The following SLC12A3 variants were observed in gnomAD, a reference collection of about 807,000 sequenced individuals.
SLC12A3 encodes the protein solute carrier family 12 member 3, also known as Na-Cl cotransporter.
Under a neutral mutation model 121.0 loss-of-function variants are expected in SLC12A3, and 104 were observed. That is an observed-to-expected ratio of 0.86 (90% CI 0.73 to 1.01). The LOEUF is 1.01. Among genes scored for constraint, SLC12A3 ranks in the 50% least tolerant of loss-of-function variants. The pLI is 0.00. For missense variants in SLC12A3, 1,328 were observed against 1,356.3 expected (o/e 0.98, Z 0.33); for synonymous variants, 536 against 533.4 (o/e 1.00, Z -0.07).
intron 22 of SLC12A3, among the ~76,000 whole-genome samples, chr16:56,898,962 G>A (rs574810002): frequency 9.2e-5 from 14 of 152,326 alleles, no homozygotes; most frequent in African/African-American, 3.1e-4. Context: ...GAATCAGCGT[G>A]GTAACAAGAT....
In SLC12A3 at chr16:56,869,935, C is replaced by T. The variant is rs555287769; in HGVS notation, c.601+111C>T. Reference sequence around the variant, plus strand: ...GTACACCCAGCCGCTCCTGTGGTTCCGGGAGAGGGCTCTAGGCAGGCTGTC... The same window carrying T: ...GTACACCCAGCCGCTCCTGTGGTTCTGGGAGAGGGCTCTAGGCAGGCTGTC... On this transcript the variant is annotated intron_variant, in intron 4 of 25. Transcript: ENST00000563236. 995 of 1,366,870 alleles carry T rather than the reference C, an allele frequency of 7.3e-4. 4 individuals carry two copies. The African/African-American group carries it at 7.8e-3, about 11-fold the overall frequency. The allele number at this position is 1,366,870 out of a possible 1,614,324, so 84.7% of individuals were successfully genotyped here. A position where few individuals can be genotyped will look rare whatever the true frequency, so the allele number is the denominator to read the frequency against.
chr16:56,872,691 C>A lies in SLC12A3; in HGVS notation c.1000C>A (p.Arg334=). ...IFVQNLVPDW[R]GPDGTFFGMF... ...TGTCCAGAACTTGGTGCCTGACTGG[C>A]GGGGTCCAGATGGCACCTTCTTCGG... The change falls in exon 8 of 26, where the codon CGG becomes AGG. Residue 334 remains arginine, a synonymous_variant. Coordinates refer to ENST00000563236, the MANE Select transcript of SLC12A3 (RefSeq NM_001126108.2). 1.2e-6 allele frequency: 2 copies of A among 1,614,258 alleles called. No individual in the cohort carries two copies. The highest frequency in any genetic ancestry group is 2.2e-5 in the South Asian group (2 of 91,086).
intron 23 of SLC12A3, among the ~76,000 whole-genome samples, 192 bp downstream of exon 23, chr16:56,899,808 G>T (rs1220048271): frequency 1.3e-5 from 2 of 152,248 alleles, no homozygotes; most frequent in Admixed American, 6.5e-5. Context: ...GGGCTGAGGG[G>T]ACCACAGGGC....
In SLC12A3 at chr16:56,913,728, T is replaced by A. The variant is rs547389953; in HGVS notation, c.*323T>A. 2 of 375,738 alleles carry A rather than the reference T, an allele frequency of 5.3e-6. No homozygotes were observed. The highest frequency in any genetic ancestry group is 1.0e-5 in the Non-Finnish European group (2 of 196,192). The allele number at this position is 375,738 out of a possible 1,614,324, so 23.3% of individuals were successfully genotyped here. A position where few individuals can be genotyped will look rare whatever the true frequency, so the allele number is the denominator to read the frequency against. On this transcript the variant is annotated 3_prime_UTR_variant, in exon 26 of 26. Transcript: ENST00000563236. The stretch of plus-strand genomic sequence containing the variant: ...TTAAGAGTTCAGTCTTTGATTTGTA[T>A]GCAAATTGGAGTCCCAATGCTGGGC...
rs757461294 is a variant in SLC12A3, at chr16:56,865,324, A to C, written c.89A>C (p.Glu30Ala). The change falls in exon 1 of 26, where the codon GAG (glutamate) becomes GCG (alanine). Residue 30 changes from glutamate (E) to alanine (A), a missense_variant. Physicochemically the swap from Glu to Ala is moderately radical, Grantham distance 107. Coordinates refer to ENST00000563236, the MANE Select transcript of SLC12A3 (RefSeq NM_001126108.2). ...ATCAGCACACTGCTGAGCAGTGATG[A>C]GCCCTCTCCACCAGCTGCCTATGAC... The part of the protein sequence containing the change: ...FTISTLLSSD[E>A]PSPPAAYDSS... 4 of 1,614,026 alleles carry C rather than the reference A, an allele frequency of 2.5e-6. No individual in the cohort carries two copies. The highest frequency in any genetic ancestry group is 1.7e-5 in the Admixed American group (1 of 60,028).
intron 24 of SLC12A3, among the ~76,000 whole-genome samples, chr16:56,903,338 G>C (rs1188316086): frequency 6.6e-6 from 1 of 152,128 alleles, no homozygotes; most frequent in African/African-American, 2.4e-5. Flanking sequence ...GGTGGGGCAG[G>C]CTCTAGGAGT....
chr16:56,875,152 GT>G lies in SLC12A3; in HGVS notation c.1095+2367del, dbSNP rs113142393. On this transcript the variant is annotated intron_variant, in intron 8 of 25. Coordinates refer to ENST00000563236, the MANE Select transcript of SLC12A3 (RefSeq NM_001126108.2). ...GATGAGGCCCGCGCGCCTGCACTCT[GT>G]CCTAAATGCCCTCAAGCTTTAAGGG... 8.9e-3 allele frequency among the ~76,000 whole-genome samples: 1,355 copies of G among 152,224 alleles called. 21 individuals are homozygous for G. Among genetic ancestry groups the G allele is most frequent in the African/African-American group, 0.031 (1,286 of 41,544 alleles).
At chr16:56,875,921 G>T (rs1316579151) in intron 8 of SLC12A3, among the ~76,000 whole-genome samples, 1 of 151,814 alleles carries the variant, frequency 6.6e-6, no homozygotes, top group African/African-American at 2.4e-5. Context: ...AGCTCTAGAT[G>T]CAGGAGGCAG....
At chr16:56,881,444 TGG>T (rs1555500452) in intron 12 of SLC12A3, among the ~76,000 whole-genome samples, 2 of 150,170 alleles carry the variant, frequency 1.3e-5, no homozygotes, top group Non-Finnish European at 3.0e-5. Flanking sequence ...TCCTTTCATC[TGG>T]GGGGGGGTCT....
intron 9 of SLC12A3, 80 bp from the exon 10 acceptor site, chr16:56,878,993 C>T: frequency 2.0e-6 from 3 of 1,508,176 alleles, no homozygotes; most frequent in Non-Finnish European, 2.7e-6. Flanking sequence ...CAGCACCTCG[C>T]CCTCTGCAGA....
chr16:56,866,317 T>TA lies in SLC12A3; in HGVS notation c.283-752dup, dbSNP rs542615181. 4.3e-4 allele frequency among the ~76,000 whole-genome samples: 65 copies of TA among 152,216 alleles called. 1 individual carries two copies. The highest frequency in any genetic ancestry group is 1.4e-3 in the African/African-American group (60 of 41,534). On this transcript the variant is annotated intron_variant, in intron 1 of 25. Coordinates refer to ENST00000563236, the MANE Select transcript of SLC12A3 (RefSeq NM_001126108.2). ...TGTTCTTGATTCTGAGGCTAAGACTTACTAAATTCGCAGGCCTTTTCTCCA... is the reference window on the plus strand; with the variant it reads ...TGTTCTTGATTCTGAGGCTAAGACTTAACTAAATTCGCAGGCCTTTTCTCCA...
At chr16:56,905,409 G>C (rs1180737577) in intron 25 of SLC12A3, among the ~76,000 whole-genome samples, 1 of 151,710 alleles carries the variant, frequency 6.6e-6, no homozygotes, top group African/African-American at 2.4e-5. Flanking sequence ...CAGCTCAGGG[G>C]ACAAGGGGTC....
chr16:56,886,992 G>T lies in SLC12A3; in HGVS notation c.2077G>T (p.Ala693Ser), dbSNP rs375308045. 1.2e-4 allele frequency: 187 copies of T among 1,613,630 alleles called. No homozygotes were observed. The highest frequency in any genetic ancestry group is 1.5e-4 in the Non-Finnish European group (174 of 1,179,994). ...KQRMPELQLI[A>S]NGHTKWLNKR... is the part of the protein sequence containing the mutation. ...GAGGATGCCTGAGCTCCAGCTCATC[G>T]CCAACGGGCACACCAAGTGGCTGAA... The change falls in exon 17 of 26, where the codon GCC (alanine) becomes TCC (serine). Residue 693 changes from alanine to serine, a missense_variant. Ala to Ser is a moderately conservative substitution (Grantham distance 99). Coordinates refer to ENST00000563236, the MANE Select transcript of SLC12A3 (RefSeq NM_001126108.2).
rs764475158 is a variant in SLC12A3, at chr16:56,865,318, G to A, written c.83G>A (p.Ser28Asn). ...GRFTISTLLSSDEPSPPAAYD... is the reference protein window; with the variant it reads ...GRFTISTLLSNDEPSPPAAYD... ...TTCACCATCAGCACACTGCTGAGCA[G>A]TGATGAGCCCTCTCCACCAGCTGCC... The change falls in exon 1 of 26, where the codon AGT (serine) becomes AAT (asparagine). Residue 28 changes from serine to asparagine, a missense_variant. Coordinates refer to ENST00000563236, the MANE Select transcript of SLC12A3 (RefSeq NM_001126108.2). The A allele has an allele frequency of 6.2e-7, 1 of 1,614,050 alleles. No individual in the cohort carries two copies. The highest frequency in any genetic ancestry group is 1.3e-5 in the African/African-American group (1 of 75,068).
intron 23 of SLC12A3, among the ~76,000 whole-genome samples, chr16:56,900,519 T>TTTATTTATTTATTTA (rs2055523493): frequency 2.4e-3 from 359 of 148,548 alleles, no homozygotes; most frequent in Non-Finnish European, 4.1e-3. Context: ...AGCATCTGAT[T>TTTATTTATTTATTTA]TTTATTTATT....
chr16:56,894,685 T>G (rs2144748708), intron 22 of SLC12A3, 43 bp downstream of exon 22: 2 of 1,466,338 alleles, frequency 1.4e-6, no homozygotes, highest in Admixed American at 1.7e-5. Flanking sequence ...CAGGGACCAG[T>G]GTCATCTTAG....
In SLC12A3 at chr16:56,913,777, A is replaced by C; in HGVS notation, c.*372A>C. Reference sequence around the variant, plus strand: ...GCGTGAATCTTGACAGTTTCTACAGACCTTCCTGGGTGAAAGTTCCTAAAT... The same window carrying C: ...GCGTGAATCTTGACAGTTTCTACAGCCCTTCCTGGGTGAAAGTTCCTAAAT... On this transcript the variant is annotated 3_prime_UTR_variant, in exon 26 of 26. Transcript: ENST00000563236. The C allele has an allele frequency of 3.0e-6, 1 of 334,710 alleles. No homozygotes were observed. The highest frequency in any genetic ancestry group is 8.1e-5 in the East Asian group (1 of 12,414). The allele number at this position is 334,710 out of a possible 1,614,324, so 20.7% of individuals were successfully genotyped here. A position where few individuals can be genotyped will look rare whatever the true frequency, so the allele number is the denominator to read the frequency against.
intron 7 of SLC12A3, 46 bp from the exon 8 acceptor site, chr16:56,872,610 T>A: frequency 6.2e-7 from 1 of 1,613,702 alleles, no homozygotes; most frequent in Non-Finnish European, 8.5e-7. Flanking sequence ...GCAAGGGGGG[T>A]CAAGCCCTCC....
At chr16:56,873,706 T>TA (rs1380945771) in intron 8 of SLC12A3, among the ~76,000 whole-genome samples, 14 of 118,862 alleles carry the variant, frequency 1.2e-4, no homozygotes, top group African/African-American at 3.8e-4. Flanking sequence ...TTATTTTATT[T>TA]TATTTTTTTT....
Sources: allele counts gnomAD v4.1 joint callset (sites outside exome capture counted in the v4.1 genomes callset), GRCh38; gene constraint gnomAD v4.1.1; transcripts MANE v1.5; gene names NCBI Gene and HGNC (gene_info 2026-07-23, HGNC 2026-07-21).